The following TMEM117 variants were observed in gnomAD, a reference collection of about 807,000 sequenced individuals.
The protein encoded by TMEM117 is transmembrane protein 117.
TMEM117 carries 27 observed loss-of-function variants against 52.4 expected under a neutral mutation model. The ratio of observed to expected loss-of-function variants is 0.51; its 90% CI spans 0.38 to 0.71. The LOEUF is 0.71. TMEM117 is among the 30% of genes least tolerant of loss of function. TMEM117 has a pLI of 0.00. For missense variants in TMEM117, 556 were observed against 630.5 expected (o/e 0.88, Z 1.26); for synonymous variants, 215 against 206.3 (o/e 1.04, Z -0.36).
At chr12:44,182,642 T>TA (rs1329292686) in intron 4 of TMEM117, among the ~76,000 whole-genome samples, 1 of 152,272 alleles carries the variant, frequency 6.6e-6, no homozygotes, top group East Asian at 1.9e-4. Flanking sequence ...TCTACATACT[T>TA]AAAGGTTTTC....
At chr12:44,030,580 G>T (rs1365654249) in intron 3 of TMEM117, among the ~76,000 whole-genome samples, 1 of 152,208 alleles carries the variant, frequency 6.6e-6, no homozygotes, top group African/African-American at 2.4e-5. Context: ...TTTTGGAAAT[G>T]ACTATGGAAA....
intron 2 of TMEM117, among the ~76,000 whole-genome samples, chr12:43,926,692 A>G (rs1944783587): frequency 6.6e-6 from 1 of 152,146 alleles, no homozygotes; most frequent in South Asian, 2.1e-4. Context: ...TAGTAATAGA[A>G]TAACTCAGGT....
the TMEM117 span, chr12:43,806,213 G>A: frequency 3.2e-6 from 5 of 1,540,190 alleles, no homozygotes; most frequent in Middle Eastern, 1.9e-4. Context: ...CGCGCCGGGC[G>A]CTGTTACCTT....
chr12:43,897,555 C>T (rs1296978235), intron 2 of TMEM117, among the ~76,000 whole-genome samples: 3 of 152,020 alleles, frequency 2.0e-5, no homozygotes, highest in East Asian at 1.9e-4. Flanking sequence ...ACTCGTGATC[C>T]GCCCGCCTCA....
At chr12:44,369,608 A>G (rs763833148) in intron 6 of TMEM117, among the ~76,000 whole-genome samples, 7 of 152,240 alleles carry the variant, frequency 4.6e-5, no homozygotes, top group Non-Finnish European at 8.8e-5. Context: ...TGCTTGAGCA[A>G]CAACAATTTT....
At chr12:44,342,438 A>G (rs1951430128) in intron 6 of TMEM117, among the ~76,000 whole-genome samples, 1 of 152,120 alleles carries the variant, frequency 6.6e-6, no homozygotes, top group South Asian at 2.1e-4. Flanking sequence ...CTCACAGACC[A>G]CCAAGTCCTG....
chr12:44,362,524 A>G (rs1170247443), intron 6 of TMEM117, among the ~76,000 whole-genome samples: 4 of 152,152 alleles, frequency 2.6e-5, no homozygotes, highest in African/African-American at 9.7e-5. Context: ...CAGTTCTTGA[A>G]TGTGCAAATA....
chr12:43,798,488 A>T, the TMEM117 span: 2 of 1,400,256 alleles, frequency 1.4e-6, no homozygotes, highest in Non-Finnish European at 1.9e-6. Flanking sequence ...TTTTACTTTT[A>T]AAAAAATGAA....
chr12:44,047,013 G>C (rs1427570857), intron 3 of TMEM117, among the ~76,000 whole-genome samples: 1 of 152,122 alleles, frequency 6.6e-6, no homozygotes, highest in Non-Finnish European at 1.5e-5. Flanking sequence ...GTGAACTTGT[G>C]ATGGTTAATA....
intron 3 of TMEM117, among the ~76,000 whole-genome samples, chr12:44,046,402 G>A (rs919824513): frequency 2.0e-5 from 3 of 152,302 alleles, no homozygotes; most frequent in African/African-American, 7.2e-5. Flanking sequence ...ACTCCATATT[G>A]GAGGTTAGGA....
intron 2 of TMEM117, among the ~76,000 whole-genome samples, chr12:43,918,969 A>G (rs548666672): frequency 9.9e-5 from 15 of 152,242 alleles, no homozygotes; most frequent in African/African-American, 3.6e-4. Context: ...GGTCTCCTTT[A>G]TCGGCTCTTC....
chr12:44,207,935 C>T (rs1949591837), intron 4 of TMEM117, among the ~76,000 whole-genome samples: 1 of 152,078 alleles, frequency 6.6e-6, no homozygotes, highest in African/African-American at 2.4e-5. Flanking sequence ...TCTCTTCCTC[C>T]ATTGCTGAAA....
intron 3 of TMEM117, among the ~76,000 whole-genome samples, chr12:44,136,443 A>C (rs1948491642): frequency 6.6e-6 from 1 of 152,162 alleles, no homozygotes; most frequent in Non-Finnish European, 1.5e-5. Context: ...CTGGGACTTT[A>C]GAATTAGTTT....
At chr12:44,014,697 A>G (rs1443178625) in intron 3 of TMEM117, among the ~76,000 whole-genome samples, 4 of 152,148 alleles carry the variant, frequency 2.6e-5, no homozygotes, top group Non-Finnish European at 4.4e-5. Flanking sequence ...AGGAAAATGA[A>G]CACTGGTATC....
chr12:43,872,886 T>G (rs150856131), intron 2 of TMEM117, among the ~76,000 whole-genome samples: 12 of 152,268 alleles, frequency 7.9e-5, no homozygotes, highest in African/African-American at 2.9e-4. Flanking sequence ...ATTCTTATTT[T>G]GTGGCAAAGA....
At chr12:44,130,905 G>T (rs565876440) in intron 3 of TMEM117, among the ~76,000 whole-genome samples, 12 of 152,052 alleles carry the variant, frequency 7.9e-5, no homozygotes, top group Admixed American at 3.3e-4. Context: ...CTGACATTGT[G>T]CTTTTTCTGT....
chr12:43,812,028 A>G, the TMEM117 span, among the ~76,000 whole-genome samples: 1 of 152,210 alleles, frequency 6.6e-6, no homozygotes, highest in Admixed American at 6.5e-5. Flanking sequence ...TTTTTATTAA[A>G]TATTGACTCA....
downstream of TMEM117, among the ~76,000 whole-genome samples, chr12:44,393,856 G>T (rs1952171210): frequency 6.6e-6 from 1 of 152,260 alleles, no homozygotes; most frequent in East Asian, 1.9e-4. Context: ...CCCGTGTTTT[G>T]ATTTAAGCTA....
intron 5 of TMEM117, among the ~76,000 whole-genome samples, chr12:44,244,892 A>G (rs990040191): frequency 5.3e-5 from 8 of 151,946 alleles, no homozygotes; most frequent in African/African-American, 9.7e-5. Flanking sequence ...TAAGGGTCCA[A>G]TTTTATTCTT....
Sources: allele counts gnomAD v4.1 joint callset (sites outside exome capture counted in the v4.1 genomes callset), GRCh38; gene constraint gnomAD v4.1.1; transcripts MANE v1.5; gene names NCBI Gene and HGNC (gene_info 2026-07-23, HGNC 2026-07-21).